Variants in PDE1C observed in about 807,000 individuals in gnomAD.
PDE1C encodes phosphodiesterase 1C, also known as dual specificity calcium/calmodulin-dependent 3',5'-cyclic nucleotide phosphodiesterase 1C.
A neutral mutation model predicts 93.1 loss-of-function variants in PDE1C; 62 were observed. That is an observed-to-expected ratio of 0.67 (90% confidence interval 0.54 to 0.82). The LOEUF is 0.82. Ranked by LOEUF, PDE1C falls within the 40% of genes least tolerant of loss-of-function variation. The pLI is 0.00. For missense variants in PDE1C, 742 were observed against 884.6 expected (o/e 0.84, Z 2.04); for synonymous variants, 325 against 310.1 (o/e 1.05, Z -0.50).
chr7:31,839,292 T>C (rs1791536748), intron 9 of PDE1C, among the ~76,000 whole-genome samples: 1 of 150,702 alleles, frequency 6.6e-6, no homozygotes, highest in African/African-American at 2.4e-5. Flanking sequence ...TAGTCACACA[T>C]TGAAAATATA....
At chr7:31,947,791 G>A (rs1806815456) in intron 2 of PDE1C, among the ~76,000 whole-genome samples, 1 of 152,138 alleles carries the variant, frequency 6.6e-6, no homozygotes, top group African/African-American at 2.4e-5. Context: ...ATACCTCAAG[G>A]AGCTTAAAAC....
chr7:32,234,968 G>T (rs1807967692), intron 1 of PDE1C, among the ~76,000 whole-genome samples: 1 of 152,026 alleles, frequency 6.6e-6, no homozygotes, highest in African/African-American at 2.4e-5. Context: ...ATCAATCAAT[G>T]AATTTCACCA....
intron 1 of PDE1C, among the ~76,000 whole-genome samples, chr7:32,358,537 G>A (rs182510474): frequency 6.6e-6 from 1 of 152,214 alleles, no homozygotes. Flanking sequence ...CTAGACAGCG[G>A]GCAAGTGGGG....
chr7:31,794,042 A>AGATAGATAGACGGACG (rs1157143757), intron 16 of PDE1C, among the ~76,000 whole-genome samples: 1 of 84,622 alleles, frequency 1.2e-5, no homozygotes, highest in African/African-American at 5.4e-5. Context: ...ATAGATAGAT[A>AGATAGATAGACGGACG]GACAGACAGA....
At chr7:32,391,555 G>A (rs1784751021) in intron 1 of PDE1C, among the ~76,000 whole-genome samples, 1 of 152,044 alleles carries the variant, frequency 6.6e-6, no homozygotes, top group African/African-American at 2.4e-5. Context: ...ATTTTCAAGT[G>A]CACAGAGAAC....
intron 17 of PDE1C, among the ~76,000 whole-genome samples, chr7:31,760,584 C>G (rs1278595745): frequency 4.6e-5 from 7 of 152,144 alleles, no homozygotes; most frequent in Admixed American, 1.3e-4. Context: ...AGCATCACCT[C>G]AAATGGCAAT....
At chr7:31,785,226 C>G (rs894797103) in intron 16 of PDE1C, 1 of 152,220 alleles carries the variant, frequency 6.6e-6, no homozygotes, top group Non-Finnish European at 1.5e-5. Context: ...TGGCCTGCAA[C>G]AGCCAGCATT....
intron 1 of PDE1C, among the ~76,000 whole-genome samples, chr7:32,341,135 A>G (rs1222683370): frequency 2.7e-5 from 4 of 146,982 alleles, no homozygotes; most frequent in African/African-American, 1.0e-4. Flanking sequence ...TTTCTACTCA[A>G]TTTTGCTGTC....
At chr7:32,010,191 A>T (rs1439934313) in intron 2 of PDE1C, among the ~76,000 whole-genome samples, 1 of 152,228 alleles carries the variant, frequency 6.6e-6, no homozygotes, top group Non-Finnish European at 1.5e-5. Flanking sequence ...AAAATAGCCA[A>T]ATCAATTTTT....
the PDE1C span, among the ~76,000 whole-genome samples, chr7:31,636,026 G>T: frequency 6.6e-6 from 1 of 152,164 alleles, no homozygotes; most frequent in Admixed American, 6.5e-5. Flanking sequence ...ACGGCAGAAG[G>T]CACTTTTTCA....
intron 1 of PDE1C, among the ~76,000 whole-genome samples, chr7:32,402,471 G>A (rs868289122): frequency 6.6e-6 from 1 of 152,032 alleles, no homozygotes; most frequent in South Asian, 2.1e-4. Context: ...AGAGATGGAT[G>A]TCCCAGTAGA....
chr7:32,165,273 C>T (rs1020315519), intron 3 of PDE1C, among the ~76,000 whole-genome samples: 3 of 152,176 alleles, frequency 2.0e-5, no homozygotes, highest in East Asian at 1.9e-4. Context: ...ATTCTGGGTA[C>T]TGGACACTGT....
intron 16 of PDE1C, chr7:31,786,431 G>T (rs951824000): frequency 2.0e-5 from 3 of 152,090 alleles, no homozygotes; most frequent in Non-Finnish European, 4.4e-5. Flanking sequence ...TGTGTGAGTA[G>T]GGTATGCCTG....
rs115971073 is a variant in PDE1C, at chr7:32,275,910, T to C, written c.85+22741A>G. Among the ~76,000 whole-genome samples the C allele has an allele frequency of 1.3e-5, 2 of 152,194 alleles. 1 individual carries two copies. Among genetic ancestry groups the C allele is most frequent in the African/African-American group, 4.8e-5 (2 of 41,448 alleles). ...CAGAAAATTCATTAACAGGATGACA[T>C]AATACAGAAGCATGCTCACTTAGTA... On this transcript the variant is annotated intron_variant, in intron 1 of 18. Coordinates refer to the PDE1C transcript ENST00000396193.
At chr7:31,934,800 C>T (rs1434047891) in intron 2 of PDE1C, among the ~76,000 whole-genome samples, 1 of 152,114 alleles carries the variant, frequency 6.6e-6, no homozygotes, top group Non-Finnish European at 1.5e-5. Flanking sequence ...CACTGATGCT[C>T]AGGCTTGCCT....
intron 2 of PDE1C, among the ~76,000 whole-genome samples, chr7:31,933,586 G>A (rs1032719600): frequency 1.3e-5 from 2 of 152,160 alleles, no homozygotes; most frequent in East Asian, 1.9e-4. Flanking sequence ...CTGGATACTC[G>A]TCCCTGCCCA....
intron 2 of PDE1C, among the ~76,000 whole-genome samples, chr7:31,968,443 C>T (rs1460304708): frequency 2.6e-5 from 4 of 151,914 alleles, no homozygotes; most frequent in African/African-American, 7.3e-5. Context: ...CAAACCACTG[C>T]TCAATGAAAT....
At chr7:32,359,750 G>T (rs11971644) in intron 1 of PDE1C, among the ~76,000 whole-genome samples, 1 of 151,862 alleles carries the variant, frequency 6.6e-6, no homozygotes, top group Non-Finnish European at 1.5e-5. Flanking sequence ...TACTCCATTC[G>T]GCTCAATTTC....
At chr7:31,709,750 T>C in the PDE1C span, among the ~76,000 whole-genome samples, 2 of 152,188 alleles carry the variant, frequency 1.3e-5, no homozygotes, top group African/African-American at 4.8e-5. Flanking sequence ...TGAGGACTTT[T>C]TCTGGCCAGG....
Sources: gnomAD v4.1 joint callset for allele counts (sites outside exome capture counted in the v4.1 genomes callset) on GRCh38, gnomAD v4.1.1 for gene constraint, MANE v1.5 for transcripts, NCBI Gene and HGNC (gene_info 2026-07-23, HGNC 2026-07-21) for gene names.